Variants in KCNH1 observed in about 807,000 individuals in gnomAD.
KCNH1 encodes voltage-gated delayed rectifier potassium channel KCNH1.
KCNH1 carries 27 observed loss-of-function variants against 69.2 expected under a neutral mutation model. That is an observed-to-expected ratio of 0.39 (90% CI 0.29 to 0.54). The LOEUF is 0.54. Among genes scored for constraint, KCNH1 ranks in the 20% least tolerant of loss-of-function variants. The pLI is 0.68. For synonymous variants in KCNH1, 456 were observed against 487.7 expected, an observed-to-expected ratio of 0.93 and a Z score of 0.86; for missense variants, 798 against 1,261.6, an observed-to-expected ratio of 0.63 and a Z score of 5.57.
intron 7 of KCNH1, among the ~76,000 whole-genome samples, chr1:210,883,154 T>C (rs1361395430): frequency 6.6e-6 from 1 of 152,104 alleles, no homozygotes; most frequent in African/African-American, 2.4e-5. Context: ...AAACTTCCAA[T>C]CCAGAGGTCT....
At chr1:210,869,263 T>A (rs1686182570) in intron 7 of KCNH1, among the ~76,000 whole-genome samples, 1 of 152,130 alleles carries the variant, frequency 6.6e-6, no homozygotes, top group South Asian at 2.1e-4. Flanking sequence ...TTATCCTTCT[T>A]GGAGTTGTTG....
chr1:210,892,428 T>C (rs968910354), intron 7 of KCNH1, among the ~76,000 whole-genome samples: 1 of 152,148 alleles, frequency 6.6e-6, no homozygotes, highest in Non-Finnish European at 1.5e-5. Flanking sequence ...CACTCATTTA[T>C]GCAAGCAACA....
chr1:211,054,228 G>A (rs1332058885), intron 5 of KCNH1, among the ~76,000 whole-genome samples: 1 of 152,008 alleles, frequency 6.6e-6, no homozygotes, highest in Non-Finnish European at 1.5e-5. Context: ...GTTACAATGA[G>A]CCAAGATGGC....
intron 5 of KCNH1, among the ~76,000 whole-genome samples, chr1:211,046,509 GTTCAT>G (rs1310462049): frequency 1.3e-5 from 2 of 152,050 alleles, no homozygotes. Context: ...TTTATATTTA[GTTCAT>G]TTCATTTTCA....
At chr1:210,844,327 C>G (rs1374631069) in intron 7 of KCNH1, among the ~76,000 whole-genome samples, 1 of 152,094 alleles carries the variant, frequency 6.6e-6, no homozygotes, top group Non-Finnish European at 1.5e-5. Flanking sequence ...TCGAGACCAT[C>G]CTGGACAACA....
chr1:210,861,092 A>C (rs1346114013), intron 7 of KCNH1: 1 of 894,646 alleles, frequency 1.1e-6, no homozygotes, highest in Non-Finnish European at 1.9e-6. Context: ...TGTAAACAAA[A>C]GCTTCTGGGC....
chr1:210,688,152 A>G (rs1681446767), intron 10 of KCNH1, among the ~76,000 whole-genome samples: 1 of 152,244 alleles, frequency 6.6e-6, no homozygotes. Context: ...CATTATATGC[A>G]GCATTTCTTA....
rs1681337925 is a variant in KCNH1, at chr1:210,683,850, G to A, written c.2401C>T (p.Gln801Ter). ...GGCACCCCGGAGGTGGAGGCTGCCT[G>A]GAAGGATACGGGCGTGGCAGGACTC... ...RESPATPVSF[Q>*]AASTSGVPDH... Residue 801 changes from glutamine (Q) to a stop codon, truncating the protein, a stop_gained, in exon 11 of 11, where the codon CAG becomes TAG. Transcript: ENST00000271751. LOFTEE classifies it low-confidence loss of function (END_TRUNC). The surrounding 1 kb of genome is among the most constrained non-coding windows in gnomAD (Gnocchi z 5.7). 3 of 1,614,016 alleles carry A rather than the reference G, an allele frequency of 1.9e-6. No homozygotes were observed. Among genetic ancestry groups the A allele is most frequent in the Non-Finnish European group, 2.5e-6 (3 of 1,180,052 alleles).
At chr1:210,718,649 TATACACACACACACACACAC>T (rs1682366712) in intron 10 of KCNH1, among the ~76,000 whole-genome samples, 2 of 72,334 alleles carry the variant, frequency 2.8e-5, no homozygotes, top group African/African-American at 1.8e-4. Flanking sequence ...TACATATATA[TATACACACACACACACACAC>T]ACACACACAC....
At chr1:211,061,428 C>A (rs1690431669) in intron 5 of KCNH1, among the ~76,000 whole-genome samples, 1 of 152,150 alleles carries the variant, frequency 6.6e-6, no homozygotes, top group South Asian at 2.1e-4. Context: ...ATTTTCACCA[C>A]TGTTATTCAA....
At chr1:211,029,522 G>A (rs1558574471) in intron 5 of KCNH1, among the ~76,000 whole-genome samples, 1 of 150,374 alleles carries the variant, frequency 6.7e-6, no homozygotes, top group Non-Finnish European at 1.5e-5. Flanking sequence ...AACTCTCAGA[G>A]AAAAAAAATA....
chr1:210,932,718 C>A (rs1687699469), intron 6 of KCNH1, among the ~76,000 whole-genome samples: 1 of 151,986 alleles, frequency 6.6e-6, no homozygotes, highest in African/African-American at 2.4e-5. Flanking sequence ...ACACTTATGT[C>A]AGATAAAATA....
intron 6 of KCNH1, among the ~76,000 whole-genome samples, chr1:211,018,049 C>G (rs1689523145): frequency 6.6e-6 from 1 of 152,142 alleles, no homozygotes; most frequent in South Asian, 2.1e-4. Flanking sequence ...CTCTTCCTGT[C>G]TCTCACTTCC....
At chr1:210,738,552 CTTTTTTTTTT>C (rs57669878) in intron 10 of KCNH1, among the ~76,000 whole-genome samples, 38 of 49,150 alleles carry the variant, frequency 7.7e-4, no homozygotes, top group Admixed American at 1.7e-3. Flanking sequence ...GGCTTTTTTG[CTTTTTTTTTT>C]TTTTTTTTTT....
At position 210,924,274 on chromosome 1, in the gene KCNH1, C is replaced by T. The variant is rs151073180; in HGVS notation, c.1033-4205G>A. Among the ~76,000 whole-genome samples the T allele has an allele frequency of 3.4e-3, 513 of 152,354 alleles. 5 individuals are homozygous for T. The highest frequency in any genetic ancestry group is 4.0e-3 in the Non-Finnish European group (270 of 68,032). ...CTACATCAGCCCTAGGGAATGAATA[C>T]ACCCACACAAGGTCTAGAGCACAGT... On this transcript the variant is annotated intron_variant, in intron 6 of 10. Transcript: ENST00000271751.
chr1:210,859,663 G>A, intron 7 of KCNH1: 5 of 1,303,034 alleles, frequency 3.8e-6, no homozygotes, highest in East Asian at 4.6e-5. Context: ...GCAGGCATAT[G>A]CTCTTTTTAA....
intron 5 of KCNH1, among the ~76,000 whole-genome samples, chr1:211,046,300 G>T (rs970187749): frequency 2.6e-5 from 4 of 152,052 alleles, no homozygotes; most frequent in African/African-American, 9.7e-5. Flanking sequence ...AGACAAGAAC[G>T]GATATGTTAT....
rs1333972446 is a variant in KCNH1 at position 210,681,063 on chromosome 1, AG to A, written c.*2217del. ...AGCTGAGAGGCAAAAAAGTGTCTCCAGTGGCAGGTTCTTCTGAGGCTGGGTT... is the reference window on the plus strand; with the variant it reads ...AGCTGAGAGGCAAAAAAGTGTCTCCATGGCAGGTTCTTCTGAGGCTGGGTT... On this transcript the variant is annotated 3_prime_UTR_variant, in exon 11 of 11. Coordinates refer to ENST00000271751, the MANE Select transcript of KCNH1 (RefSeq NM_172362.3). The A allele has an allele frequency of 6.6e-6, 1 of 152,220 alleles. No individual in the cohort carries two copies. The highest frequency in any genetic ancestry group is 1.9e-4 in the East Asian group (1 of 5,186). The allele number at this position is 152,220 out of a possible 1,614,324, so 9.4% of individuals were successfully genotyped here.
At chr1:210,999,091 A>G (rs7416902) in intron 6 of KCNH1, among the ~76,000 whole-genome samples, 146,197 of 152,154 alleles carry the variant, frequency 0.96, 70,320 homozygotes, top group East Asian at 1. Context: ...CCCTGACATC[A>G]CAATTAAAAG....
Sources: gnomAD v4.1 joint callset for allele counts (sites outside exome capture counted in the v4.1 genomes callset) on GRCh38, gnomAD v4.1.1 for gene constraint, Gnocchi (gnomAD v3.1) non-coding constraint, MANE v1.5 for transcripts, NCBI Gene and HGNC (gene_info 2026-07-23, HGNC 2026-07-21) for gene names.